Variants in CELSR1 observed in about 807,000 individuals in gnomAD.
CELSR1 encodes the protein adhesion G protein-coupled receptor C1.
CELSR1 carries 110 observed loss-of-function variants against 249.1 expected under a neutral mutation model. That is an observed-to-expected ratio of 0.44 (90% CI 0.38 to 0.52). The LOEUF is 0.52. CELSR1 is among the 20% of genes least tolerant of loss of function. CELSR1 has a pLI of 0.00. For missense variants in CELSR1, 4,109 were observed against 4,296.4 expected, an observed-to-expected ratio of 0.96 and a Z score of 1.22; for synonymous variants, 2,113 against 1,900.0, an observed-to-expected ratio of 1.11 and a Z score of -2.92.
At position 46,533,874 on chromosome 22, in the gene CELSR1, A is replaced by T. The variant is rs1271416608; in HGVS notation, c.3297T>A (p.Pro1099=). 6.2e-7 allele frequency: 1 copy of T among 1,613,724 alleles called. No individual in the cohort carries two copies. The highest frequency in any genetic ancestry group is 8.5e-7 in the Non-Finnish European group (1 of 1,180,008). ...AGAGGATCTGGAAGTCGGGCAGCAC[A>T]GGCGGGTTGTCATTCTGGTCCACGA... The part of the protein sequence containing the change: ...ILLVDQNDNP[P]VLPDFQILFN... Residue 1099 remains proline (P), a synonymous_variant, in exon 1 of 35, where the codon CCT becomes CCA. Transcript: ENST00000674500.
In CELSR1 at chr22:46,396,588, C is replaced by G; in HGVS notation, c.5843+17G>C. On this transcript the variant is annotated intron_variant, in intron 13 of 34. Coordinates refer to ENST00000674500, the MANE Select transcript of CELSR1 (RefSeq NM_001378328.1). This position sits in a 1 kb window ranked among gnomAD's most constrained non-coding sequence, Gnocchi z 6.4. ...TGGACTCTGAAGGTGCAGGGAGGCACCAGGGGCTGCTCTTACTTGTTCTCA... is the reference window on the plus strand; with the variant it reads ...TGGACTCTGAAGGTGCAGGGAGGCAGCAGGGGCTGCTCTTACTTGTTCTCA... 6.5e-7 allele frequency: 1 copy of G among 1,543,892 alleles called. No individual in the cohort carries two copies.
intron 1 of CELSR1, among the ~76,000 whole-genome samples, chr22:46,525,093 G>A (rs372347523): frequency 1.3e-5 from 2 of 152,214 alleles, no homozygotes; most frequent in African/African-American, 4.8e-5. Flanking sequence ...CTCATGGCTT[G>A]AACTTCCACC....
At chr22:46,367,946 G>A (rs1214112204) in intron 27 of CELSR1, 91 bp from the exon 28 acceptor site, 22 of 1,463,732 alleles carry the variant, frequency 1.5e-5, no homozygotes, top group Middle Eastern at 2.4e-4. Context: ...CCACCTGCCT[G>A]CCCGTCCGCC....
At position 46,396,470 on chromosome 22, in the gene CELSR1, TAAA is replaced by T; in HGVS notation, c.5843+132_5843+134del. The T allele has an allele frequency of 1.1e-6, 1 of 919,566 alleles. No homozygotes were observed. The highest frequency in any genetic ancestry group is 1.4e-6 in the Non-Finnish European group (1 of 693,904). The allele number at this position is 919,566 out of a possible 1,614,324, so 57.0% of individuals were successfully genotyped here. A position where few individuals can be genotyped will look rare whatever the true frequency, so the allele number is the denominator to read the frequency against. On this transcript the variant is annotated intron_variant, in intron 13 of 34. Transcript: ENST00000674500. This position sits in a 1 kb window ranked among gnomAD's most constrained non-coding sequence, Gnocchi z 6.4. ...GATTTTCACTTAATTCATGCCAAAT[TAAA>T]AAAAAATATGTCCCTGTTACCCAGA...
Position 46,363,314 on chromosome 22 carries a change from A to C in CELSR1, c.9036-67T>G. On this transcript the variant is annotated intron_variant, in intron 34 of 34. Coordinates refer to ENST00000674500, the MANE Select transcript of CELSR1 (RefSeq NM_001378328.1). The surrounding 1 kb of genome is among the most constrained non-coding windows in gnomAD (Gnocchi z 4.3). ...GAGGGTAGCGGCTTGGTGGGGCCCA[A>C]GGTTGTCACACGGGGGGGCAGGATC... is the stretch of plus-strand genomic sequence containing the variant. The C allele has an allele frequency of 7.3e-7, 1 of 1,372,764 alleles. No individual in the cohort carries two copies. The highest frequency in any genetic ancestry group is 1.0e-6 in the Non-Finnish European group (1 of 980,044). The allele number at this position is 1,372,764 out of a possible 1,614,324, so 85.0% of individuals were successfully genotyped here.
Position 46,410,440 on chromosome 22 carries a change from C to T in CELSR1, c.4891G>A (p.Val1631Met), listed in dbSNP as rs144273741. Residue 1631 changes from valine (V) to methionine (M), a missense_variant, in exon 7 of 35, where the codon GTG (valine) becomes ATG (methionine). Val to Met is a conservative substitution (Grantham distance 21). Coordinates refer to ENST00000674500, the MANE Select transcript of CELSR1 (RefSeq NM_001378328.1). The surrounding 1 kb of genome is among the most constrained non-coding windows in gnomAD (Gnocchi z 6.8). ...MRNLSVDGKNVDMAGFIANNG... is the reference protein window; with the variant it reads ...MRNLSVDGKNMDMAGFIANNG... ...TTGGCGATGAATCCGGCCATGTCCA[C>T]ATTTTTGCCGTCGACTGACAGGTTC... The T allele has an allele frequency of 6.2e-7, 1 of 1,614,088 alleles. No individual in the cohort carries two copies. The highest frequency in any genetic ancestry group is 8.5e-7 in the Non-Finnish European group (1 of 1,180,030).
intron 5 of CELSR1, among the ~76,000 whole-genome samples, chr22:46,426,020 C>T (rs908652977): frequency 6.6e-5 from 10 of 150,778 alleles, no homozygotes; most frequent in Admixed American, 2.0e-4. Context: ...CCCTTCCTCC[C>T]TTCTTTTTTG....
intron 2 of CELSR1, among the ~76,000 whole-genome samples, chr22:46,449,617 C>T (rs974016688): frequency 6.6e-6 from 1 of 152,294 alleles, no homozygotes; most frequent in Non-Finnish European, 1.5e-5. Flanking sequence ...TAAGAATGAA[C>T]AAAACAGATC....
chr22:46,426,694 T>TG (rs1015139213), intron 5 of CELSR1, among the ~76,000 whole-genome samples: 42 of 152,218 alleles, frequency 2.8e-4, no homozygotes, highest in African/African-American at 1.0e-3. Context: ...TTTCAAGAGA[T>TG]GGGCCCTTTA....
chr22:46,367,150 T>G (rs1219501136), intron 28 of CELSR1, 32 bp from the exon 29 acceptor site: 1 of 1,602,728 alleles, frequency 6.2e-7, no homozygotes, highest in South Asian at 1.1e-5. Flanking sequence ...CAGCACCTGC[T>G]GCTGCCTCCC....
intron 20 of CELSR1, among the ~76,000 whole-genome samples, chr22:46,382,597 C>G (rs1052758036): frequency 7.2e-5 from 11 of 152,124 alleles, no homozygotes; most frequent in African/African-American, 2.7e-4. Flanking sequence ...ACTTCTATGC[C>G]CATGTTCACA....
chr22:46,499,425 A>G (rs573362408), intron 1 of CELSR1, among the ~76,000 whole-genome samples: 1 of 152,352 alleles, frequency 6.6e-6, no homozygotes, highest in East Asian at 1.9e-4. Context: ...TTAGACAATG[A>G]TAACATCAAG....
At position 46,427,597 on chromosome 22, in the gene CELSR1, G is replaced by A. The variant is rs548752808; in HGVS notation, c.4611+5796C>T. 6.6e-6 allele frequency among the ~76,000 whole-genome samples: 1 copy of A among 152,290 alleles called. No homozygotes were observed. The highest frequency in any genetic ancestry group is 6.5e-5 in the Admixed American group (1 of 15,300). On this transcript the variant is annotated intron_variant, in intron 5 of 34. Transcript: ENST00000674500. This position sits in a 1 kb window ranked among gnomAD's most constrained non-coding sequence, Gnocchi z 4.2. ...TTAAAATCTAGTAACAAGATCCTGG[G>A]AGCTCCTCCCCTCATCACCGCACAG...
At chr22:46,524,071 C>G (rs1169413677) in intron 1 of CELSR1, among the ~76,000 whole-genome samples, 1 of 152,240 alleles carries the variant, frequency 6.6e-6, no homozygotes, top group East Asian at 1.9e-4. Context: ...CAGGGCCTCG[C>G]CACTGACAGA....
rs1264427119 is a variant in CELSR1 at position 46,362,771 on chromosome 22, C to A, written c.*452G>T. The A allele has an allele frequency of 4.7e-6, 1 of 214,050 alleles. No homozygotes were observed. The highest frequency in any genetic ancestry group is 9.3e-6 in the Non-Finnish European group (1 of 107,252). 13.3% of individuals were successfully genotyped at this position (214,050 alleles called of 1,614,324 possible). On this transcript the variant is annotated 3_prime_UTR_variant, in exon 35 of 35. Coordinates refer to ENST00000674500, the MANE Select transcript of CELSR1 (RefSeq NM_001378328.1). ...AGACAAGGGGTGCCTTTGCAAAGGA[C>A]TGCCCGGGCTGCCAGCCACGGGTCC... is the stretch of plus-strand genomic sequence containing the variant.
chr22:46,529,267 A>G (rs1406169271), intron 1 of CELSR1, among the ~76,000 whole-genome samples: 3 of 149,058 alleles, frequency 2.0e-5, no homozygotes, highest in Non-Finnish European at 4.5e-5. Context: ...CTCCATTTCA[A>G]AAAAAAAAAA....
intron 5 of CELSR1, among the ~76,000 whole-genome samples, chr22:46,425,594 T>C (rs935988519): frequency 6.6e-6 from 1 of 152,216 alleles, no homozygotes; most frequent in Admixed American, 6.5e-5. Flanking sequence ...ATTATTCCCT[T>C]ATTACCCTTT....
rs2079167175 is a variant in CELSR1 at position 46,397,830 on chromosome 22, T to C, written c.5545A>G (p.Thr1849Ala). 1 of 1,567,724 alleles carries C rather than the reference T, an allele frequency of 6.4e-7. No homozygotes were observed. Among genetic ancestry groups the C allele is most frequent in the South Asian group, 1.2e-5 (1 of 83,448 alleles). Residue 1849 changes from threonine to alanine, a missense_variant, in exon 12 of 35, where the codon ACG becomes GCG. Coordinates refer to ENST00000674500, the MANE Select transcript of CELSR1 (RefSeq NM_001378328.1). ...GCMQGVRMGG[T>A]PTNVATLNMN... The stretch of plus-strand genomic sequence containing the variant: ...TTCAGGGTGGCGACGTTGGTGGGCG[T>C]CCCCCCCATCCTCACTCCCTGCATT...
At chr22:46,508,674 C>T (rs1217347789) in intron 1 of CELSR1, among the ~76,000 whole-genome samples, 1 of 152,190 alleles carries the variant, frequency 6.6e-6, no homozygotes, top group African/African-American at 2.4e-5. Flanking sequence ...TGGCGCGTCG[C>T]CTTCCAAGGC....
Sources: gnomAD v4.1 joint callset for allele counts (sites outside exome capture counted in the v4.1 genomes callset) on GRCh38, gnomAD v4.1.1 for gene constraint, Gnocchi (gnomAD v3.1) non-coding constraint, MANE v1.5 for transcripts, NCBI Gene and HGNC (gene_info 2026-07-23, HGNC 2026-07-21) for gene names.